The following PADI2 variants were observed in gnomAD, a reference collection of about 807,000 sequenced individuals.
PADI2 encodes the protein peptidyl arginine deiminase 2.
In PADI2, 70 loss-of-function variants were observed where a neutral mutation model predicts 81.1. That is an observed-to-expected ratio of 0.86 (90% CI 0.71 to 1.05). The LOEUF is 1.05. Ranked by LOEUF, PADI2 falls within the 50% of genes least tolerant of loss-of-function variation. PADI2 has a pLI of 0.00. For synonymous variants in PADI2, 338 were observed against 358.0 expected (o/e 0.94, Z 0.63); for missense variants, 853 against 889.9 (o/e 0.96, Z 0.53).
intron 1 of PADI2, among the ~76,000 whole-genome samples, chr1:17,112,028 T>C (rs1366820942): frequency 6.6e-6 from 1 of 152,034 alleles, no homozygotes; most frequent in African/African-American, 2.4e-5. Context: ...TAAGCAGGGG[T>C]GGCATGATCA....
chr1:17,104,439 T>TTTTTC (rs1157711148), intron 2 of PADI2, among the ~76,000 whole-genome samples: 1 of 79,336 alleles, frequency 1.3e-5, no homozygotes, highest in Non-Finnish European at 2.7e-5. Flanking sequence ...TTCTTTTTTT[T>TTTTTC]TTTTTTTTTT....
In PADI2 at chr1:17,094,420, A is replaced by C. The variant is rs1019240499; in HGVS notation, c.412-736T>G. Among the ~76,000 whole-genome samples the C allele has an allele frequency of 9.9e-5, 15 of 151,054 alleles. No individual in the cohort carries two copies. The South Asian group carries it at 1.5e-3, about 15-fold the overall frequency. ...TGCCCCTTTCCACCTGGCCCACTCT[A>C]CCCTTCCTCGGTTACAGCATGACTG... On this transcript the variant is annotated intron_variant, in intron 4 of 15. Coordinates refer to ENST00000375486, the MANE Select transcript of PADI2 (RefSeq NM_007365.3).
At chr1:17,094,114 T>C (rs1930816109) in intron 4 of PADI2, among the ~76,000 whole-genome samples, 1 of 152,128 alleles carries the variant, frequency 6.6e-6, no homozygotes, top group Non-Finnish European at 1.5e-5. Context: ...TGCATGGTGC[T>C]CCACTTTCTA....
intron 1 of PADI2, among the ~76,000 whole-genome samples, chr1:17,108,110 G>A (rs986352992): frequency 2.6e-5 from 4 of 151,964 alleles, no homozygotes; most frequent in African/African-American, 9.7e-5. Context: ...CACCATGCCC[G>A]GCTAATTTTT....
At chr1:17,100,467 T>G (rs546675272) in intron 3 of PADI2, among the ~76,000 whole-genome samples, 1 of 151,778 alleles carries the variant, frequency 6.6e-6, no homozygotes, top group East Asian at 2.0e-4. Flanking sequence ...ATATTTTTAG[T>G]AGAGACAGGG....
intron 1 of PADI2, among the ~76,000 whole-genome samples, chr1:17,107,858 G>T (rs796705724): frequency 3.9e-4 from 60 of 152,168 alleles, no homozygotes; most frequent in Middle Eastern, 3.4e-3. Flanking sequence ...TTCTTGTCCT[G>T]CCCCCTTCCA....
At position 17,095,913 on chromosome 1, in the gene PADI2, T is replaced by G; in HGVS notation, c.407A>C (p.Lys136Thr). 1 of 1,607,822 alleles carries G rather than the reference T, an allele frequency of 6.2e-7. No homozygotes were observed. Among genetic ancestry groups the G allele is most frequent in the Non-Finnish European group, 8.5e-7 (1 of 1,177,068 alleles). ...CCTGCCCTGAAAGCTAGGTACCTTC[T>G]TTGGGTTGTTCTTCTCCACCACACC... Reference protein sequence around the residue: ...RDGVVEKNNPKKASWTWGPEG... With the variant: ...RDGVVEKNNPTKASWTWGPEG... The change falls in exon 4 of 16, where the codon AAG (lysine) becomes ACG (threonine). Residue 136 changes from lysine (K) to threonine (T), a missense_variant. Transcript: ENST00000375486.
intron 4 of PADI2, among the ~76,000 whole-genome samples, 153 bp downstream of exon 4, chr1:17,095,756 T>C (rs746392337): frequency 2.0e-5 from 3 of 152,180 alleles, no homozygotes; most frequent in Non-Finnish European, 4.4e-5. Context: ...CCTGAGCTCC[T>C]CTGTGGGTTC....
At chr1:17,103,662 A>AC (rs35136759) in intron 2 of PADI2, among the ~76,000 whole-genome samples, 95,752 of 151,686 alleles carry the variant, frequency 0.63, 31,789 homozygotes, top group East Asian at 0.8. Flanking sequence ...CCATGGTCTA[A>AC]CCCCACAACA....
At chr1:17,092,147 C>T (rs1930719516) in intron 6 of PADI2, among the ~76,000 whole-genome samples, 1 of 152,154 alleles carries the variant, frequency 6.6e-6, no homozygotes, top group South Asian at 2.1e-4. Flanking sequence ...CCCAAATGCC[C>T]TTCCTCCCCT....
chr1:17,094,290 G>A (rs945401718), intron 4 of PADI2, among the ~76,000 whole-genome samples: 4 of 152,038 alleles, frequency 2.6e-5, no homozygotes, highest in Non-Finnish European at 5.9e-5. Flanking sequence ...CATCTCCTCC[G>A]CCTTGCCCCT....
rs372016474 is a variant in PADI2 at position 17,089,370 on chromosome 1, C to A, written c.656-2671G>T. ...ACTCGGGCCCTCCCATGCCCACAGG[C>A]CCCAGGCTGCACTTGAACTGATGCT... On this transcript the variant is annotated intron_variant, in intron 6 of 15. Coordinates refer to ENST00000375486, the MANE Select transcript of PADI2 (RefSeq NM_007365.3). 2.4e-4 allele frequency among the ~76,000 whole-genome samples: 36 copies of A among 152,314 alleles called. No individual in the cohort carries two copies. In the East Asian group the frequency reaches 5.6e-3, roughly 24 times the overall value.
chr1:17,095,516 A>G (rs2076611), intron 4 of PADI2, among the ~76,000 whole-genome samples: 93,906 of 151,962 alleles, frequency 0.62, 29,374 homozygotes, highest in African/African-American at 0.68. Context: ...AGATAATACC[A>G]CGCCTGGAAC....
chr1:17,076,350 G>A (rs2078302874), intron 11 of PADI2, among the ~76,000 whole-genome samples: 1 of 152,030 alleles, frequency 6.6e-6, no homozygotes, highest in Non-Finnish European at 1.5e-5. Flanking sequence ...GAGTAGCTGG[G>A]ACTACAGGCG....
rs139011269 is a variant in PADI2 at position 17,086,735 on chromosome 1, G to A, written c.656-36C>T. The A allele has an allele frequency of 2.6e-4, 413 of 1,585,942 alleles. 2 individuals carry two copies. The African/African-American group carries it at 4.2e-3, about 16-fold the overall frequency. On this transcript the variant is annotated intron_variant, in intron 6 of 15. Coordinates refer to ENST00000375486, the MANE Select transcript of PADI2 (RefSeq NM_007365.3). ...AAGGACCAACGTCAGACTCCCACCC[G>A]CATCAGAAAGAGGTCGGTGGGGTGG...
chr1:17,104,751 G>A (rs1358301451), intron 2 of PADI2, 127 bp downstream of exon 2: 2 of 804,776 alleles, frequency 2.5e-6, no homozygotes, highest in African/African-American at 1.8e-5. Context: ...CCTTTTCAAT[G>A]TGGTTACTGC....
rs1278562195 is a variant in PADI2 at position 17,067,346 on chromosome 1, G to A, written c.*1698C>T. 1 of 152,170 alleles carries A rather than the reference G, an allele frequency of 6.6e-6. No individual in the cohort carries two copies. The highest frequency in any genetic ancestry group is 1.9e-4 in the East Asian group (1 of 5,194). 9.4% of individuals were successfully genotyped at this position (152,170 alleles called of 1,614,324 possible). A position where few individuals can be genotyped will look rare whatever the true frequency, so the allele number is the denominator to read the frequency against. ...TCAGCTCTGGGGCTGGAGAGATCTGGGGCTTTGGCCTCCAAAGGCAGGAGC... is the reference window on the plus strand; with the variant it reads ...TCAGCTCTGGGGCTGGAGAGATCTGAGGCTTTGGCCTCCAAAGGCAGGAGC... On this transcript the variant is annotated 3_prime_UTR_variant, in exon 16 of 16. Transcript: ENST00000375486.
chr1:17,087,082 G>A (rs554742203), intron 6 of PADI2, among the ~76,000 whole-genome samples: 123 of 152,328 alleles, frequency 8.1e-4, no homozygotes, highest in African/African-American at 2.8e-3. Context: ...CTTGTCCAAA[G>A]TCAGACAGCC....
At position 17,105,134 on chromosome 1, in the gene PADI2, C is replaced by G. The variant is rs1205754373; in HGVS notation, c.93-73G>C. 5 of 1,103,260 alleles carry G rather than the reference C, an allele frequency of 4.5e-6. No homozygotes were observed. In the South Asian group the frequency reaches 9.3e-5, roughly 20 times the overall value. 68.3% of individuals were successfully genotyped at this position (1,103,260 alleles called of 1,614,324 possible). ...GGATGAGGGGCTTCAAGAGGAGACT[C>G]CTGCTTCCAGCACTTTGGGAGGTCA... On this transcript the variant is annotated intron_variant, in intron 1 of 15. Coordinates refer to ENST00000375486, the MANE Select transcript of PADI2 (RefSeq NM_007365.3).
Sources: gnomAD v4.1 joint callset for allele counts (sites outside exome capture counted in the v4.1 genomes callset) on GRCh38, gnomAD v4.1.1 for gene constraint, MANE v1.5 for transcripts, NCBI Gene and HGNC (gene_info 2026-07-23, HGNC 2026-07-21) for gene names.